Variants in FYN observed in about 807,000 individuals in gnomAD.
FYN encodes the protein FYN proto-oncogene, Src family tyrosine kinase, also known as tyrosine-protein kinase Fyn.
In FYN, 10 loss-of-function variants were observed where a neutral mutation model predicts 70.2. The observed-to-expected ratio is 0.14, with a 90% CI of 0.09 to 0.24. The LOEUF is 0.24. Ranked by LOEUF, FYN falls within the 10% of genes least tolerant of loss-of-function variation. FYN has a pLI of 1.00. For synonymous variants in FYN, 236 were observed against 248.6 expected (o/e 0.95, Z 0.48); for missense variants, 319 against 673.1 (o/e 0.47, Z 5.82).
At chr6:111,748,491 A>G (rs539896176) in intron 3 of FYN, among the ~76,000 whole-genome samples, 1 of 152,324 alleles carries the variant, frequency 6.6e-6, no homozygotes, top group South Asian at 2.1e-4. Context: ...TGCATGGCGT[A>G]TCAAGAGCAA....
At chr6:111,706,274 G>C (rs1311852767) in intron 6 of FYN, among the ~76,000 whole-genome samples, 1 of 152,216 alleles carries the variant, frequency 6.6e-6, no homozygotes, top group African/African-American at 2.4e-5. Context: ...CATTCAATTG[G>C]AATCTGTGTG....
intron 3 of FYN, among the ~76,000 whole-genome samples, chr6:111,763,607 CA>C (rs1343151608): frequency 6.6e-5 from 10 of 152,196 alleles, no homozygotes; most frequent in Non-Finnish European, 1.3e-4. Flanking sequence ...CATAATTTTA[CA>C]CTGAATATCC....
At chr6:111,755,308 A>C (rs916780136) in intron 3 of FYN, among the ~76,000 whole-genome samples, 2 of 152,190 alleles carry the variant, frequency 1.3e-5, no homozygotes, top group African/African-American at 2.4e-5. Context: ...AATAAAAAAA[A>C]CCAGTATTTT....
At position 111,706,575 on chromosome 6, in the gene FYN, TA is replaced by T; in HGVS notation, c.443+1346del. Reference sequence around the variant, plus strand: ...CCAATAACCCAATTAGAATGCCGTGTAAAACAGTGGTGAAAAAGGAATTGTT... The same window carrying T: ...CCAATAACCCAATTAGAATGCCGTGTAAACAGTGGTGAAAAAGGAATTGTT... On this transcript the variant is annotated intron_variant, in intron 6 of 13. Transcript: ENST00000354650. Among the ~76,000 whole-genome samples, 3 of 152,330 alleles carry T rather than the reference TA, an allele frequency of 2.0e-5. No homozygotes were observed. The Middle Eastern group carries it at 0.01, about 518-fold the overall frequency.
At chr6:111,811,372 C>T (rs1490958222) in intron 2 of FYN, among the ~76,000 whole-genome samples, 1 of 152,136 alleles carries the variant, frequency 6.6e-6, no homozygotes, top group Admixed American at 6.5e-5. Flanking sequence ...GGTATGTGTA[C>T]AGTATAAGGA....
intron 3 of FYN, among the ~76,000 whole-genome samples, chr6:111,753,891 T>A (rs996312383): frequency 2.0e-5 from 3 of 152,150 alleles, no homozygotes; most frequent in Non-Finnish European, 4.4e-5. Context: ...TTGGGTATAG[T>A]TGCTTAACAA....
chr6:111,781,615 C>T (rs1418137266), intron 2 of FYN, among the ~76,000 whole-genome samples: 2 of 152,198 alleles, frequency 1.3e-5, no homozygotes, highest in African/African-American at 4.8e-5. Flanking sequence ...GCCCAGAGGC[C>T]TGTCCGGCCT....
chr6:111,853,932 AC>A (rs1773754777), intron 1 of FYN, among the ~76,000 whole-genome samples: 1 of 152,192 alleles, frequency 6.6e-6, no homozygotes, highest in African/African-American at 2.4e-5. Flanking sequence ...AAAGATCAAG[AC>A]TAGAGAAGGG....
chr6:111,770,919 C>T (rs1234656691), intron 3 of FYN, among the ~76,000 whole-genome samples: 1 of 152,180 alleles, frequency 6.6e-6, no homozygotes, highest in Non-Finnish European at 1.5e-5. Flanking sequence ...GATCAAATTT[C>T]AGCATGAGAT....
intron 6 of FYN, among the ~76,000 whole-genome samples, chr6:111,707,629 G>GC (rs1800157631): frequency 6.6e-6 from 1 of 152,184 alleles, no homozygotes; most frequent in Non-Finnish European, 1.5e-5. Context: ...GCTCTAGCTA[G>GC]CATTTCATAT....
chr6:111,833,175 T>TATC (rs141734968), intron 2 of FYN, among the ~76,000 whole-genome samples: 32,515 of 151,970 alleles, frequency 0.21, 5,548 homozygotes, highest in African/African-American at 0.48. Flanking sequence ...CTATTTAAAA[T>TATC]ATGGACCCAT....
chr6:111,731,506 G>A (rs1375210309), intron 3 of FYN, among the ~76,000 whole-genome samples: 1 of 152,186 alleles, frequency 6.6e-6, no homozygotes, highest in Non-Finnish European at 1.5e-5. Flanking sequence ...TTCCTTTGAA[G>A]AATAACATGA....
In FYN at chr6:111,787,563, C is replaced by T. The variant is rs112263074; in HGVS notation, c.-81-6928G>A. Among the ~76,000 whole-genome samples, 49 of 152,310 alleles carry T rather than the reference C, an allele frequency of 3.2e-4. 1 individual carries two copies. The highest frequency in any genetic ancestry group is 1.1e-3 in the African/African-American group (47 of 41,566). On this transcript the variant is annotated intron_variant, in intron 2 of 13. Transcript: ENST00000354650. ...AGCACCCCTGCTACCAGGCAACTGA[C>T]CAGTTCAAAAATCTTCAACGGTCTT...
chr6:111,698,504 G>A (rs1178887889), intron 9 of FYN, among the ~76,000 whole-genome samples: 1 of 152,096 alleles, frequency 6.6e-6, no homozygotes, highest in African/African-American at 2.4e-5. Flanking sequence ...GGTACTGATC[G>A]ATATTGTTTT....
At chr6:111,840,771 A>T (rs1035999740) in intron 2 of FYN, among the ~76,000 whole-genome samples, 4 of 152,216 alleles carry the variant, frequency 2.6e-5, no homozygotes, top group Non-Finnish European at 5.9e-5. Flanking sequence ...TGACAAAAGC[A>T]TCTTTTCAGC....
chr6:111,764,238 GAAAA>G (rs753761011), intron 3 of FYN, among the ~76,000 whole-genome samples: 25 of 87,112 alleles, frequency 2.9e-4, no homozygotes, highest in Non-Finnish European at 5.3e-4. Flanking sequence ...AAAAAGAAAA[GAAAA>G]AAAAAGAAAG....
At chr6:111,859,540 C>T (rs1773905833) in intron 1 of FYN, among the ~76,000 whole-genome samples, 1 of 152,188 alleles carries the variant, frequency 6.6e-6, no homozygotes, top group Non-Finnish European at 1.5e-5. Context: ...AGAAAAGTTC[C>T]AGGACACTCC....
chr6:111,699,410 G>A, intron 9 of FYN: 1 of 1,233,206 alleles, frequency 8.1e-7, no homozygotes, highest in South Asian at 1.5e-5. Flanking sequence ...TAGTTATCCA[G>A]GTTAAGTGTC....
At chr6:111,704,317 G>C (rs1490662965) in intron 6 of FYN, among the ~76,000 whole-genome samples, 2 of 152,154 alleles carry the variant, frequency 1.3e-5, no homozygotes, top group Admixed American at 6.5e-5. Context: ...AAAAAAATCA[G>C]ATTTGAGTTG....
Sources: gnomAD v4.1 joint callset for allele counts (sites outside exome capture counted in the v4.1 genomes callset) on GRCh38, gnomAD v4.1.1 for gene constraint, MANE v1.5 for transcripts, NCBI Gene and HGNC (gene_info 2026-07-23, HGNC 2026-07-21) for gene names.